The following CPNE4 variants were observed in gnomAD, a reference collection of about 807,000 sequenced individuals.
The protein encoded by CPNE4 is copine-4.
CPNE4 carries 25 observed loss-of-function variants against 67.9 expected under a neutral mutation model. That is an observed-to-expected ratio of 0.37 (90% CI 0.27 to 0.51). The LOEUF is 0.51. Ranked by LOEUF, CPNE4 falls within the 20% of genes least tolerant of loss-of-function variation. The pLI is 0.93. For missense variants in CPNE4, 464 were observed against 690.8 expected (o/e 0.67, Z 3.68); for synonymous variants, 242 against 244.9 (o/e 0.99, Z 0.11).
intron 15 of CPNE4, among the ~76,000 whole-genome samples, chr3:131,537,121 C>G (rs1935193225): frequency 6.6e-6 from 1 of 151,962 alleles, no homozygotes; most frequent in African/African-American, 2.4e-5. Context: ...TAAAAATCAC[C>G]AAAATGTGCT....
chr3:131,681,426 T>G (rs540874277), intron 6 of CPNE4, among the ~76,000 whole-genome samples: 1 of 152,346 alleles, frequency 6.6e-6, no homozygotes, highest in South Asian at 2.1e-4. Flanking sequence ...AGTTTTTTCC[T>G]TCAGCACTTT....
intron 2 of CPNE4, among the ~76,000 whole-genome samples, chr3:131,751,004 A>G (rs910491624): frequency 6.6e-6 from 1 of 152,092 alleles, no homozygotes; most frequent in African/African-American, 2.4e-5. Context: ...TTTTGATGAG[A>G]AATCTGCTGT....
intron 2 of CPNE4, among the ~76,000 whole-genome samples, chr3:131,900,651 T>C (rs1176978638): frequency 6.6e-6 from 1 of 152,112 alleles, no homozygotes; most frequent in Non-Finnish European, 1.5e-5. Flanking sequence ...GCTCAATACA[T>C]GCTGGGGTTA....
chr3:131,882,793 T>C (rs2087730095), intron 2 of CPNE4, among the ~76,000 whole-genome samples: 1 of 149,590 alleles, frequency 6.7e-6, no homozygotes, highest in Non-Finnish European at 1.5e-5. Context: ...CTCAGCTCAC[T>C]GCAAGCTCTG....
At chr3:131,746,081 T>G (rs1369634703) in intron 2 of CPNE4, among the ~76,000 whole-genome samples, 1 of 152,136 alleles carries the variant, frequency 6.6e-6, no homozygotes, top group Non-Finnish European at 1.5e-5. Flanking sequence ...AGTTTTCAGC[T>G]TCAAGTTCTG....
intron 7 of CPNE4, among the ~76,000 whole-genome samples, chr3:131,642,754 G>A (rs1008952111): frequency 6.6e-6 from 1 of 152,148 alleles, no homozygotes. Flanking sequence ...GCCGCCATGT[G>A]AGGAAGGACA....
At chr3:132,029,838 CAG>C (rs1281771741) in intron 1 of CPNE4, among the ~76,000 whole-genome samples, 2 of 152,186 alleles carry the variant, frequency 1.3e-5, no homozygotes, top group Non-Finnish European at 2.9e-5. Context: ...TAATTTAAAA[CAG>C]AATAAAGGAT....
At chr3:131,561,952 TC>T (rs1936793593) in intron 11 of CPNE4, among the ~76,000 whole-genome samples, 1 of 152,072 alleles carries the variant, frequency 6.6e-6, no homozygotes, top group East Asian at 1.9e-4. Context: ...TCCTTCTTCT[TC>T]CTTAAGTATT....
rs556125824 is a variant in CPNE4 at position 131,727,460 on chromosome 3, G to A, written c.181-3835C>T. ...AGCCTGGGCGACAGAGCAAGACTCC[G>A]TCTCAAAAAAAAGAAAAAAAAATCT... On this transcript the variant is annotated intron_variant, in intron 2 of 15. Coordinates refer to ENST00000429747, the MANE Select transcript of CPNE4 (RefSeq NM_130808.3). 4.3e-3 allele frequency among the ~76,000 whole-genome samples: 609 copies of A among 140,856 alleles called. 2 individuals carry two copies. The highest frequency in any genetic ancestry group is 4.1e-3 in the Admixed American group (57 of 13,736). 92.4% of individuals were successfully genotyped at this position (140,856 alleles called of 152,430 possible).
chr3:131,848,673 A>G (rs2086100495), intron 2 of CPNE4, among the ~76,000 whole-genome samples: 1 of 151,694 alleles, frequency 6.6e-6, no homozygotes, highest in Non-Finnish European at 1.5e-5. Flanking sequence ...ATCCAAAAAA[A>G]AAAAAAAAAC....
chr3:131,833,072 G>A (rs542350555), intron 2 of CPNE4, among the ~76,000 whole-genome samples: 24 of 152,242 alleles, frequency 1.6e-4, no homozygotes, highest in African/African-American at 4.6e-4. Context: ...CTATAGCCAC[G>A]TGAGGACATA....
chr3:131,870,130 G>A (rs150509958), intron 2 of CPNE4, among the ~76,000 whole-genome samples: 2,160 of 152,176 alleles, frequency 0.014, 24 homozygotes, highest in Middle Eastern at 0.031. Context: ...CACACAGCAT[G>A]GGCAACTTTC....
rs760650639 is a variant in CPNE4, at chr3:131,700,001, G to T, written c.361-21C>A. 8 of 1,545,806 alleles carry T rather than the reference G, an allele frequency of 5.2e-6. No homozygotes were observed. The East Asian group carries it at 1.6e-4, about 32-fold the overall frequency. ...ACAATCTGCAAAAAAGGAAACAAAA[G>T]GTAACAAAAGGTAGAGATACTAGTC... On this transcript the variant is annotated intron_variant, in intron 3 of 15. Coordinates refer to ENST00000429747, the MANE Select transcript of CPNE4 (RefSeq NM_130808.3).
intron 4 of CPNE4, among the ~76,000 whole-genome samples, chr3:131,698,640 A>C (rs112182906): frequency 2.0e-5 from 3 of 150,848 alleles, no homozygotes; most frequent in Non-Finnish European, 4.4e-5. Flanking sequence ...GGCAGGGTGC[A>C]GTGGCTCACA....
chr3:131,878,612 ATAAT>A (rs917489990), intron 2 of CPNE4, among the ~76,000 whole-genome samples: 4 of 152,252 alleles, frequency 2.6e-5, no homozygotes, highest in African/African-American at 9.6e-5. Context: ...TAAAATAAAA[ATAAT>A]TAATCTGAAA....
chr3:131,646,674 A>G (rs2107616700), intron 7 of CPNE4, among the ~76,000 whole-genome samples: 2 of 152,350 alleles, frequency 1.3e-5, no homozygotes, highest in Admixed American at 1.3e-4. Context: ...ATTACATTGC[A>G]TGCCTGCAAC....
At chr3:131,957,995 CT>C (rs1327271562) in intron 1 of CPNE4, among the ~76,000 whole-genome samples, 1 of 152,100 alleles carries the variant, frequency 6.6e-6, no homozygotes, top group Admixed American at 6.5e-5. Flanking sequence ...TAAAGAATAC[CT>C]GAGAGTTTGA....
At chr3:131,636,182 T>A (rs1281696259) in intron 7 of CPNE4, among the ~76,000 whole-genome samples, 1 of 152,090 alleles carries the variant, frequency 6.6e-6, no homozygotes, top group Non-Finnish European at 1.5e-5. Context: ...CTCCCTGAGA[T>A]GCCAAAAAAC....
At chr3:131,903,642 T>C (rs1446884153) in intron 2 of CPNE4, among the ~76,000 whole-genome samples, 1 of 152,098 alleles carries the variant, frequency 6.6e-6, no homozygotes, top group African/African-American at 2.4e-5. Flanking sequence ...TGACTGCTCT[T>C]GGGAAAATCC....
Sources: allele counts gnomAD v4.1 joint callset (sites outside exome capture counted in the v4.1 genomes callset), GRCh38; gene constraint gnomAD v4.1.1; transcripts MANE v1.5; gene names NCBI Gene and HGNC (gene_info 2026-07-23, HGNC 2026-07-21).